Variants in RC3H2 observed in about 807,000 individuals in gnomAD.
The protein encoded by RC3H2 is ring finger and CCCH-type domains 2.
Under a neutral mutation model 133.3 loss-of-function variants are expected in RC3H2, and 31 were observed. The observed-to-expected ratio is 0.23, with a 90% CI of 0.17 to 0.31. RC3H2 has a LOEUF of 0.31. Among genes scored for constraint, RC3H2 ranks in the 10% least tolerant of loss-of-function variants. RC3H2 has a pLI of 1.00. For synonymous variants in RC3H2, 517 were observed against 502.2 expected (o/e 1.03, Z -0.40); for missense variants, 1,175 against 1,437.2 (o/e 0.82, Z 2.95).
At chr9:122,874,011 G>A (rs1281578815) in intron 9 of RC3H2, 2 of 152,020 alleles carry the variant, frequency 1.3e-5, no homozygotes, top group Admixed American at 1.3e-4. Flanking sequence ...AAACTACTAT[G>A]TATGGAGTGC....
intron 6 of RC3H2, 197 bp downstream of exon 6, chr9:122,880,377 CTCACTGCTTTTATGCTAGTA>C: frequency 7.0e-6 from 5 of 716,258 alleles, no homozygotes; most frequent in Non-Finnish European, 1.2e-5. Context: ...CTTTGTAAGC[CTCACTGCTTTTATGCTAGTA>C]TCATGTATTT....
At chr9:122,852,536 G>A (rs1187616098) in intron 18 of RC3H2, among the ~76,000 whole-genome samples, 1 of 147,776 alleles carries the variant, frequency 6.8e-6, no homozygotes, top group African/African-American at 2.5e-5. Flanking sequence ...GGGAGGTGGG[G>A]GGGTCAGCCC....
At chr9:122,876,249 A>G (rs1831331120) in intron 9 of RC3H2, among the ~76,000 whole-genome samples, 1 of 152,182 alleles carries the variant, frequency 6.6e-6, no homozygotes, top group African/African-American at 2.4e-5. Flanking sequence ...GGTGAGTACA[A>G]TGGAAGGCAG....
rs771840911 is a variant in RC3H2 at position 122,851,130 on chromosome 9, C to T, written c.3331G>A (p.Glu1111Lys). 3 of 1,614,064 alleles carry T rather than the reference C, an allele frequency of 1.9e-6. No homozygotes were observed. The highest frequency in any genetic ancestry group is 1.7e-5 in the Admixed American group (1 of 59,996). Residue 1111 changes from glutamate to lysine, a missense_variant, in exon 20 of 21, where the codon GAG becomes AAG. This residue lies in a region of RC3H2 where 220 missense variants were observed against 201.1 expected (regional missense o/e 1.09). Coordinates refer to ENST00000357244, the MANE Select transcript of RC3H2 (RefSeq NM_001100588.3). Reference protein sequence around the residue: ...NGHPVQQHQKEPPKQKKQSLG... With the variant: ...NGHPVQQHQKKPPKQKKQSLG... The stretch of plus-strand genomic sequence containing the variant: ...CTCTGTTTCTTCTGCTTTGGTGGCT[C>T]CTTTTGGTGCTGCTGTACTGGATGC...
intron 13 of RC3H2, among the ~76,000 whole-genome samples, chr9:122,857,689 AT>A (rs1158676034): frequency 2.0e-5 from 3 of 152,202 alleles, no homozygotes; most frequent in African/African-American, 7.2e-5. Flanking sequence ...CCATAAAATA[AT>A]TATACTATAG....
At chr9:122,897,250 C>G in intron 2 of RC3H2, 29 bp downstream of exon 2, 1 of 1,607,824 alleles carries the variant, frequency 6.2e-7, no homozygotes, top group Non-Finnish European at 8.5e-7. Flanking sequence ...ATTTTTGCAC[C>G]AACCTATAGT....
intron 1 of RC3H2, among the ~76,000 whole-genome samples, chr9:122,903,548 A>G (rs1173745344): frequency 6.6e-6 from 1 of 152,256 alleles, no homozygotes; most frequent in Non-Finnish European, 1.5e-5. Flanking sequence ...GTCTTCTTAC[A>G]TGTCAGGTTA....
chr9:122,897,588 CA>C lies in RC3H2; in HGVS notation c.-67-13del. ...TAGTGTTTTGTAAGCTAGAAATGGA[CA>C]AAAGTATGAATTAACCACATATTCA... is the stretch of plus-strand genomic sequence containing the variant. On this transcript the variant is annotated splice_polypyrimidine_tract_variant and intron_variant, in intron 1 of 20. Transcript: ENST00000357244. 6.6e-7 allele frequency: 1 copy of C among 1,506,778 alleles called. No homozygotes were observed. The highest frequency in any genetic ancestry group is 2.5e-5 in the East Asian group (1 of 40,778). The allele number at this position is 1,506,778 out of a possible 1,614,324, so 93.3% of individuals were successfully genotyped here.
chr9:122,850,805 T>G (rs1203044044), intron 20 of RC3H2, among the ~76,000 whole-genome samples: 1 of 152,230 alleles, frequency 6.6e-6, no homozygotes, highest in Non-Finnish European at 1.5e-5. Flanking sequence ...TTCTCCATTT[T>G]GTAGTCTAGA....
At chr9:122,885,290 C>G (rs1019364852) in intron 4 of RC3H2, among the ~76,000 whole-genome samples, 3 of 152,104 alleles carry the variant, frequency 2.0e-5, no homozygotes, top group Non-Finnish European at 4.4e-5. Context: ...TTAGAAAGTG[C>G]TGAATGTCGG....
At position 122,899,090 on chromosome 9, in the gene RC3H2, G is replaced by GGTTTTTTTTTTTTTTT. The variant is rs1564322863; in HGVS notation, c.-67-1515_-67-1514insAAAAAAAAAAAAAAAC. On this transcript the variant is annotated intron_variant, in intron 1 of 20. Transcript: ENST00000357244. ...AAAAAATTCTATTAGCCTTTATTGT[G>GGTTTTTTTTTTTTTTT]TTTTTTTTTTTTTTTTTTTTTTTTT... Among the ~76,000 whole-genome samples the GGTTTTTTTTTTTTTTT allele has an allele frequency of 6.8e-5, 6 of 88,410 alleles. 3 individuals are homozygous for GGTTTTTTTTTTTTTTT. 58.0% of individuals were successfully genotyped at this position (88,410 alleles called of 152,430 possible). A position where few individuals can be genotyped will look rare whatever the true frequency, so the allele number is the denominator to read the frequency against.
rs1273255438 is a variant in RC3H2, at chr9:122,870,405, CAAACAAACA to C, written c.1326-4757_1326-4749del. On this transcript the variant is annotated intron_variant, in intron 9 of 20. Coordinates refer to ENST00000357244, the MANE Select transcript of RC3H2 (RefSeq NM_001100588.3). ...ACAAACAAACAAACAAACAAACAAA[CAAACAAACA>C]AAAAAAAAACAACAAACTGAGATAA... Among the ~76,000 whole-genome samples, 387 of 70,010 alleles carry C rather than the reference CAAACAAACA, an allele frequency of 5.5e-3. 2 individuals are homozygous for C. Among genetic ancestry groups the C allele is most frequent in the African/African-American group, 0.013 (348 of 26,218 alleles). The allele number at this position is 70,010 out of a possible 152,430, so 45.9% of individuals were successfully genotyped here. A position where few individuals can be genotyped will look rare whatever the true frequency, so the allele number is the denominator to read the frequency against.
intron 10 of RC3H2, among the ~76,000 whole-genome samples, chr9:122,864,540 A>C (rs1830567387): frequency 6.6e-6 from 1 of 152,174 alleles, no homozygotes; most frequent in African/African-American, 2.4e-5. Flanking sequence ...TAGACAGATT[A>C]AGTAACTGGC....
At chr9:122,880,220 C>T in intron 6 of RC3H2, 95 bp from the exon 7 acceptor site, 1 of 1,351,290 alleles carries the variant, frequency 7.4e-7, no homozygotes, top group African/African-American at 1.4e-5. Context: ...AATACGTTTT[C>T]AAGTGTCTTC....
intron 9 of RC3H2, among the ~76,000 whole-genome samples, chr9:122,868,255 T>C (rs1398602097): frequency 6.6e-6 from 1 of 152,180 alleles, no homozygotes; most frequent in Non-Finnish European, 1.5e-5. Flanking sequence ...CAACAGCTCA[T>C]TGAGAACGGG....
At position 122,858,744 on chromosome 9, in the gene RC3H2, A is replaced by G. The variant is rs530096138; in HGVS notation, c.2208T>C (p.Tyr736=). 4 of 1,614,216 alleles carry G rather than the reference A, an allele frequency of 2.5e-6. No homozygotes were observed. Among genetic ancestry groups the G allele is most frequent in the East Asian group, 2.2e-5 (1 of 44,892 alleles). The part of the protein sequence containing the change: ...SVYQTSLRER[Y]NSLDGYYSVA... ...CCGAATAATATCCATCTAATGAGTT[A>G]TATCTTTCCCGCAAAGATGTCTGAT... The change falls in exon 12 of 21, where the codon TAT becomes TAC. Residue 736 remains tyrosine, a synonymous_variant. Coordinates refer to ENST00000357244, the MANE Select transcript of RC3H2 (RefSeq NM_001100588.3).
At chr9:122,849,927 T>G in intron 20 of RC3H2, 105 bp from the exon 21 acceptor site, 58 of 641,788 alleles carry the variant, frequency 9.0e-5, no homozygotes, top group Non-Finnish European at 1.1e-4. Context: ...TAGGAGTCTC[T>G]AGCAAAGACA....
intron 8 of RC3H2, 103 bp downstream of exon 8, chr9:122,879,652 T>C (rs1257086239): frequency 5.4e-6 from 4 of 742,740 alleles, no homozygotes; most frequent in South Asian, 2.0e-5. Flanking sequence ...TAGAAACTTA[T>C]GAGTCACATA....
chr9:122,889,071 T>G (rs1489185063), intron 4 of RC3H2, among the ~76,000 whole-genome samples: 2 of 152,208 alleles, frequency 1.3e-5, no homozygotes, highest in African/African-American at 4.8e-5. Flanking sequence ...GTTGGTCTTT[T>G]TCTTCTGAAT....
Sources: gnomAD v4.1 joint callset for allele counts (sites outside exome capture counted in the v4.1 genomes callset) on GRCh38, gnomAD v4.1.1 for gene constraint, gnomAD v4.1.1 regional missense constraint, MANE v1.5 for transcripts, NCBI Gene and HGNC (gene_info 2026-07-23, HGNC 2026-07-21) for gene names.